XRCC6: variants seen among roughly 807,000 people sequenced by gnomAD.
The protein encoded by XRCC6 is DNA repair protein Ku70.
In XRCC6, 5 loss-of-function variants were observed where a neutral mutation model predicts 65.7. The ratio of observed to expected loss-of-function variants is 0.08; its 90% CI spans 0.04 to 0.16. The LOEUF (loss-of-function observed/expected upper bound fraction) is 0.16. Ranked by LOEUF, XRCC6 falls within the 10% of genes least tolerant of loss-of-function variation. The probability of loss-of-function intolerance (pLI) is 1.00; values close to 1 mark genes in which losing one functional copy is unlikely to be tolerated. For missense variants in XRCC6, 447 were observed against 738.1 expected, an observed-to-expected ratio of 0.61 and a Z score of 4.57; for synonymous variants, 270 against 270.6, an observed-to-expected ratio of 1.00 and a Z score of 0.02.
At chr22:41,621,743 G>T (rs1211836427) in intron 1 of XRCC6, 7 of 492,338 alleles carry the variant, frequency 1.4e-5, no homozygotes, top group Non-Finnish European at 2.2e-5. Flanking sequence ...GGGACCTCCG[G>T]GATCTGGCTT....
chr22:41,638,912 C>T (rs759146928), intron 6 of XRCC6, among the ~76,000 whole-genome samples: 33 of 151,896 alleles, frequency 2.2e-4, no homozygotes, highest in Non-Finnish European at 4.6e-4. Context: ...AGGCCTAGGA[C>T]ATGACTGCAT....
At chr22:41,657,998 A>G (rs569063629) in intron 10 of XRCC6, among the ~76,000 whole-genome samples, 1 of 151,880 alleles carries the variant, frequency 6.6e-6, no homozygotes, top group South Asian at 2.1e-4. Context: ...TGATTTTTAA[A>G]TTTTTTGTAG....
intron 6 of XRCC6, among the ~76,000 whole-genome samples, chr22:41,643,076 C>T (rs1180506313): frequency 6.6e-6 from 1 of 152,204 alleles, no homozygotes; most frequent in African/African-American, 2.4e-5. Flanking sequence ...TGTTCCACAA[C>T]AGTGAAGATT....
chr22:41,659,371 G>A (rs1261501301), intron 11 of XRCC6, among the ~76,000 whole-genome samples: 1 of 152,028 alleles, frequency 6.6e-6, no homozygotes, highest in African/African-American at 2.4e-5. Context: ...CACCAAGCCC[G>A]GTTAATTTTT....
chr22:41,637,866 T>A (rs2067826233), intron 6 of XRCC6, 75 bp downstream of exon 6: 3 of 1,481,810 alleles, frequency 2.0e-6, no homozygotes, highest in South Asian at 2.8e-5. Context: ...GGCTCACACC[T>A]GTAATCCCAA....
At chr22:41,628,965 C>CA (rs11413169) in intron 3 of XRCC6, among the ~76,000 whole-genome samples, 46,916 of 62,810 alleles carry the variant, frequency 0.75, 18,783 homozygotes, top group East Asian at 0.89. Context: ...GACTCTGTCT[C>CA]AAAAAAAAAA....
intron 12 of XRCC6, among the ~76,000 whole-genome samples, chr22:41,662,588 T>G (rs28384783): frequency 0.041 from 6,181 of 152,266 alleles, 270 homozygotes; most frequent in African/African-American, 0.093. Context: ...CCAGGTTATT[T>G]AACCAGACCT....
chr22:41,645,902 T>A (rs2067927212), intron 6 of XRCC6, among the ~76,000 whole-genome samples: 1 of 151,788 alleles, frequency 6.6e-6, no homozygotes, highest in South Asian at 2.1e-4. Flanking sequence ...GGTTTCACCA[T>A]GTTGGCCAAG....
chr22:41,663,551 C>T, intron 12 of XRCC6, 71 bp from the exon 13 acceptor site: 1 of 1,524,502 alleles, frequency 6.6e-7, no homozygotes, highest in Non-Finnish European at 8.9e-7. Context: ...ACGAGGTCCC[C>T]CATGCCATGT....
At chr22:41,632,290 C>G (rs1210793871) in intron 3 of XRCC6, among the ~76,000 whole-genome samples, 1 of 152,132 alleles carries the variant, frequency 6.6e-6, no homozygotes, top group Non-Finnish European at 1.5e-5. Flanking sequence ...TGAACAGAAA[C>G]TTTTCATGTT....
At chr22:41,644,732 G>A (rs1231192556) in intron 6 of XRCC6, among the ~76,000 whole-genome samples, 7 of 151,560 alleles carry the variant, frequency 4.6e-5, no homozygotes, top group Non-Finnish European at 1.0e-4. Flanking sequence ...CAGGCAATCC[G>A]CCCGCCTCAG....
At chr22:41,658,066 C>T (rs950824241) in intron 10 of XRCC6, among the ~76,000 whole-genome samples, 186 bp from the exon 11 acceptor site, 2 of 152,118 alleles carry the variant, frequency 1.3e-5, no homozygotes, top group Non-Finnish European at 2.9e-5. Flanking sequence ...TCAAGCATTC[C>T]GCCTACCTTG....
intron 7 of XRCC6, among the ~76,000 whole-genome samples, chr22:41,647,577 G>A (rs1015673289): frequency 5.3e-5 from 4 of 75,186 alleles, no homozygotes; most frequent in Admixed American, 1.1e-4. Context: ...GCGTAACTCC[G>A]TCTCAAAAAA....
chr22:41,635,794 A>G (rs772095179), intron 3 of XRCC6, among the ~76,000 whole-genome samples: 2 of 151,954 alleles, frequency 1.3e-5, no homozygotes, highest in Non-Finnish European at 2.9e-5. Flanking sequence ...CTCCCACCTC[A>G]GCCTCCCAAA....
intron 3 of XRCC6, among the ~76,000 whole-genome samples, chr22:41,635,690 T>C (rs1183152338): frequency 7.1e-6 from 1 of 140,054 alleles, no homozygotes; most frequent in Non-Finnish European, 1.6e-5. Flanking sequence ...TGTGCTGCCA[T>C]GCCCAGCTAA....
chr22:41,621,933 G>A, intron 1 of XRCC6, 57 bp from the exon 2 acceptor site: 1 of 1,521,676 alleles, frequency 6.6e-7, no homozygotes, highest in South Asian at 1.1e-5. Flanking sequence ...GAACCTAGAG[G>A]TCGGTATTTT....
Position 41,655,721 on chromosome 22 carries a change from T to C in XRCC6, c.1292-1182T>C, listed in dbSNP as rs539138462. On this transcript the variant is annotated intron_variant, in intron 9 of 12. Transcript: ENST00000360079. ...CTCAAAAAAAAAAAAAATAGTTTTT[T>C]CCCCCCCTTCTTTTTTTACATAAAT... is the stretch of plus-strand genomic sequence containing the variant. Among the ~76,000 whole-genome samples, 32 of 147,916 alleles carry C rather than the reference T, an allele frequency of 2.2e-4. 1 individual carries two copies. Among genetic ancestry groups the C allele is most frequent in the East Asian group, 1.6e-3 (8 of 4,970 alleles).
Position 41,637,903 on chromosome 22 carries a change from T to C in XRCC6, c.773+112T>C, listed in dbSNP as rs992604054. On this transcript the variant is annotated intron_variant, in intron 6 of 12. Coordinates refer to ENST00000360079, the MANE Select transcript of XRCC6 (RefSeq NM_001469.5). ...AGTTTGGGAGGCCAAGGCAGGCGGA[T>C]TGCTTGAGCCTAGGAGTTGAGACCA... 8 of 1,248,366 alleles carry C rather than the reference T, an allele frequency of 6.4e-6. No individual in the cohort carries two copies. The East Asian group carries it at 2.2e-4, about 34-fold the overall frequency. 77.3% of individuals were successfully genotyped at this position (1,248,366 alleles called of 1,614,324 possible). A position where few individuals can be genotyped will look rare whatever the true frequency, so the allele number is the denominator to read the frequency against.
chr22:41,631,162 C>T (rs1481571527), intron 3 of XRCC6, among the ~76,000 whole-genome samples: 14 of 150,692 alleles, frequency 9.3e-5, no homozygotes, highest in African/African-American at 1.9e-4. Flanking sequence ...ACCTCCCTCC[C>T]GGACGGGGCG....
Sources: gnomAD v4.1 joint callset for allele counts (sites outside exome capture counted in the v4.1 genomes callset) on GRCh38, gnomAD v4.1.1 for gene constraint, MANE v1.5 for transcripts, NCBI Gene and HGNC (gene_info 2026-07-23, HGNC 2026-07-21) for gene names.